CSMD1: variants seen among roughly 807,000 people sequenced by gnomAD.
The protein encoded by CSMD1 is CUB and sushi domain-containing protein 1.
A neutral mutation model predicts 417.5 loss-of-function variants in CSMD1; 213 were observed. That is an observed-to-expected ratio of 0.51 (90% CI 0.46 to 0.57). CSMD1 has a LOEUF of 0.57. Among genes scored for constraint, CSMD1 ranks in the 20% least tolerant of loss-of-function variants. The pLI is 0.00. For missense variants in CSMD1, 6,923 were observed against 4,529.7 expected (o/e 1.53, Z -15.17); for synonymous variants, 2,862 against 1,736.8 (o/e 1.65, Z -16.11).
chr8:4,952,441 C>G (rs1425776137), intron 1 of CSMD1, among the ~76,000 whole-genome samples: 2 of 151,998 alleles, frequency 1.3e-5, no homozygotes, highest in African/African-American at 4.8e-5. Flanking sequence ...GTCATACTTA[C>G]TGGATTTCAA....
intron 1 of CSMD1, among the ~76,000 whole-genome samples, chr8:4,759,297 A>C (rs1811870716): frequency 1.3e-5 from 2 of 152,188 alleles, no homozygotes; most frequent in South Asian, 4.1e-4. Context: ...GCTCTTTCAC[A>C]AGCCAAGAGG....
At chr8:4,131,532 G>A (rs1041868617) in intron 3 of CSMD1, among the ~76,000 whole-genome samples, 3 of 152,080 alleles carry the variant, frequency 2.0e-5, no homozygotes, top group Non-Finnish European at 4.4e-5. Context: ...TAATATCAAC[G>A]CATTTTGTCT....
chr8:3,794,098 A>G (rs577548165), intron 5 of CSMD1, among the ~76,000 whole-genome samples: 87 of 152,296 alleles, frequency 5.7e-4, no homozygotes, highest in African/African-American at 2.1e-3. Context: ...TGAAAAATGC[A>G]GGGTCGCAGG....
At chr8:3,669,583 T>C (rs1481704) in intron 7 of CSMD1, among the ~76,000 whole-genome samples, 122,080 of 152,132 alleles carry the variant, frequency 0.8, 49,125 homozygotes, top group East Asian at 0.87. Flanking sequence ...TGAATGAGAC[T>C]CTTCCGGACA....
At chr8:4,015,871 T>C (rs1450891482) in intron 4 of CSMD1, among the ~76,000 whole-genome samples, 1 of 152,096 alleles carries the variant, frequency 6.6e-6, no homozygotes, top group Non-Finnish European at 1.5e-5. Context: ...TTTTCTATGG[T>C]TTACATCTCA....
intron 3 of CSMD1, among the ~76,000 whole-genome samples, chr8:4,401,023 T>C (rs1413549640): frequency 1.3e-5 from 2 of 152,160 alleles, no homozygotes; most frequent in Admixed American, 1.3e-4. Context: ...ATTTAAAATC[T>C]GAAAGTTAAT....
chr8:3,581,373 T>G (rs534225253), intron 9 of CSMD1, among the ~76,000 whole-genome samples: 5 of 152,210 alleles, frequency 3.3e-5, no homozygotes, highest in Non-Finnish European at 7.3e-5. Flanking sequence ...GTATAATTAC[T>G]GAGCTATGAC....
At chr8:3,730,897 G>T (rs1177461488) in intron 6 of CSMD1, among the ~76,000 whole-genome samples, 1 of 152,128 alleles carries the variant, frequency 6.6e-6, no homozygotes, top group Non-Finnish European at 1.5e-5. Context: ...ATAATACGTA[G>T]ACCAATTTGC....
chr8:3,715,702 C>G (rs1056617466), intron 6 of CSMD1, among the ~76,000 whole-genome samples: 1 of 152,076 alleles, frequency 6.6e-6, no homozygotes, highest in African/African-American at 2.4e-5. Flanking sequence ...GCCACCAAAC[C>G]CACCTATTTT....
chr8:3,875,430 G>C (rs1019787349), intron 5 of CSMD1, among the ~76,000 whole-genome samples: 3 of 152,176 alleles, frequency 2.0e-5, no homozygotes, highest in African/African-American at 4.8e-5. Flanking sequence ...GTTCCTGCAG[G>C]AGGGAGTGAG....
intron 5 of CSMD1, among the ~76,000 whole-genome samples, chr8:3,804,357 A>G (rs117718452): frequency 0.016 from 2,439 of 152,320 alleles, 49 homozygotes; most frequent in South Asian, 0.046. Context: ...AGCAGTATCA[A>G]AAATACCCAG....
chr8:3,796,531 G>C (rs1330676077), intron 5 of CSMD1, among the ~76,000 whole-genome samples: 2 of 140,834 alleles, frequency 1.4e-5, no homozygotes, highest in African/African-American at 5.2e-5. Flanking sequence ...CTATATCTAA[G>C]ATATATATCT....
At chr8:4,813,337 T>C (rs1799014777) in intron 1 of CSMD1, among the ~76,000 whole-genome samples, 1 of 151,986 alleles carries the variant, frequency 6.6e-6, no homozygotes, top group Non-Finnish European at 1.5e-5. Flanking sequence ...TAAAATTTGC[T>C]AAGATTCTGG....
At chr8:4,039,493 G>A (rs904496074) in intron 3 of CSMD1, among the ~76,000 whole-genome samples, 2 of 152,184 alleles carry the variant, frequency 1.3e-5, no homozygotes, top group African/African-American at 4.8e-5. Context: ...CTGAATGCGA[G>A]CCAATCTGTA....
intron 2 of CSMD1, among the ~76,000 whole-genome samples, chr8:4,427,868 G>A (rs1154053): frequency 6.6e-6 from 1 of 152,050 alleles, no homozygotes; most frequent in African/African-American, 2.4e-5. Context: ...GAATTTTAAA[G>A]TCAGGGATCA....
intron 1 of CSMD1, among the ~76,000 whole-genome samples, chr8:4,805,266 G>C (rs968882175): frequency 1.3e-5 from 2 of 152,134 alleles, no homozygotes; most frequent in Non-Finnish European, 2.9e-5. Context: ...CTCTTTCATG[G>C]ATGTATTTAG....
intron 49 of CSMD1, among the ~76,000 whole-genome samples, chr8:3,082,973 C>T (rs1052511737): frequency 2.6e-5 from 4 of 152,104 alleles, no homozygotes; most frequent in East Asian, 1.9e-4. Flanking sequence ...ATTTGGGTGG[C>T]GAAGACGTGG....
intron 1 of CSMD1, among the ~76,000 whole-genome samples, chr8:4,747,487 T>A (rs1676942): frequency 1.3e-5 from 2 of 151,908 alleles, no homozygotes; most frequent in Admixed American, 6.6e-5. Context: ...AATGCCCTCC[T>A]AAGTAGAGAA....
In CSMD1 at chr8:4,006,823, A is replaced by ATTTTTT. The variant is rs759780050; in HGVS notation, c.611-8719_611-8714dup. On this transcript the variant is annotated intron_variant, in intron 4 of 69. Transcript: ENST00000635120. ...GCTGAGAGAATCCAGGACTTTTCCT[A>ATTTTTT]TTTTTTTTTTTTTTTTTTTTTTGAG... Among the ~76,000 whole-genome samples the ATTTTTT allele has an allele frequency of 7.1e-4, 68 of 95,978 alleles. 3 individuals carry two copies. The highest frequency in any genetic ancestry group is 1.7e-3 in the African/African-American group (42 of 24,106). 63.0% of individuals were successfully genotyped at this position (95,978 alleles called of 152,430 possible).
Sources: gnomAD v4.1 joint callset for allele counts (sites outside exome capture counted in the v4.1 genomes callset) on GRCh38, gnomAD v4.1.1 for gene constraint, MANE v1.5 for transcripts, NCBI Gene and HGNC (gene_info 2026-07-23, HGNC 2026-07-21) for gene names.